DOCK5: variants seen among roughly 807,000 people sequenced by gnomAD.
DOCK5 encodes dedicator of cytokinesis protein 5.
Under a neutral mutation model 251.8 loss-of-function variants are expected in DOCK5, and 142 were observed. The observed-to-expected ratio is 0.56, with a 90% CI of 0.49 to 0.65. The LOEUF is 0.65. DOCK5 is among the 30% of genes least tolerant of loss of function. The pLI is 0.00. For missense variants in DOCK5, 2,111 were observed against 2,312.3 expected, an observed-to-expected ratio of 0.91 and a Z score of 1.79; for synonymous variants, 842 against 835.5, an observed-to-expected ratio of 1.01 and a Z score of -0.13.
At chr8:25,251,037 C>G (rs186578712) in intron 2 of DOCK5, among the ~76,000 whole-genome samples, 6 of 152,134 alleles carry the variant, frequency 3.9e-5, no homozygotes, top group African/African-American at 1.4e-4. Context: ...CATGGAGCTC[C>G]CCTCTCCTGT....
chr8:25,251,470 A>G (rs1433716255), intron 2 of DOCK5, among the ~76,000 whole-genome samples: 1 of 152,238 alleles, frequency 6.6e-6, no homozygotes, highest in Non-Finnish European at 1.5e-5. Context: ...TCTTCTATAT[A>G]GAAGAAGTCT....
At position 25,399,904 on chromosome 8, in the gene DOCK5, T is replaced by A; in HGVS notation, c.4705-7T>A. The stretch of plus-strand genomic sequence containing the variant: ...TCTAATTAAAACTTGCATATGCTTT[T>A]TTTTAGGCTTTTTTTACAGAAAAGT... On this transcript the variant is annotated splice_polypyrimidine_tract_variant and splice_region_variant and intron_variant, in intron 45 of 51. Coordinates refer to ENST00000276440, the MANE Select transcript of DOCK5 (RefSeq NM_024940.8). The A allele has an allele frequency of 1.2e-6, 2 of 1,609,568 alleles. No individual in the cohort carries two copies. The highest frequency in any genetic ancestry group is 2.2e-5 in the East Asian group (1 of 44,788).
intron 34 of DOCK5, among the ~76,000 whole-genome samples, chr8:25,370,872 G>A (rs1800860928): frequency 6.6e-6 from 1 of 152,108 alleles, no homozygotes; most frequent in Admixed American, 6.6e-5. Context: ...TGAAACTCTT[G>A]GCCTCAGGCA....
At chr8:25,237,875 T>C (rs551379553) in intron 1 of DOCK5, among the ~76,000 whole-genome samples, 1 of 152,366 alleles carries the variant, frequency 6.6e-6, no homozygotes, top group East Asian at 1.9e-4. Context: ...GTTTTACAGA[T>C]AAGAAACTGA....
rs534191685 is a variant in DOCK5 at position 25,414,281 on chromosome 8, A to C, written c.*2983A>C. The C allele has an allele frequency of 3.4e-4, 52 of 152,286 alleles. No individual in the cohort carries two copies. The highest frequency in any genetic ancestry group is 1.1e-3 in the African/African-American group (45 of 41,550). The allele number at this position is 152,286 out of a possible 1,614,324, so 9.4% of individuals were successfully genotyped here. A position where few individuals can be genotyped will look rare whatever the true frequency, so the allele number is the denominator to read the frequency against. ...TCAATGGAAACAGCCCCAGTATACAAAGACAGTTCACTCTGGTGTGCTGTA... is the reference window on the plus strand; with the variant it reads ...TCAATGGAAACAGCCCCAGTATACACAGACAGTTCACTCTGGTGTGCTGTA... On this transcript the variant is annotated 3_prime_UTR_variant, in exon 52 of 52. Coordinates refer to ENST00000276440, the MANE Select transcript of DOCK5 (RefSeq NM_024940.8).
chr8:25,407,857 C>A (rs1376905988), intron 48 of DOCK5, 126 bp from the exon 49 acceptor site: 24 of 1,012,194 alleles, frequency 2.4e-5, no homozygotes, highest in Non-Finnish European at 1.3e-6. Context: ...GGAGAAAGAC[C>A]CTGTCTCAAA....
chr8:25,238,645 A>G lies in DOCK5; in HGVS notation c.44-5029A>G, dbSNP rs371728166. Among the ~76,000 whole-genome samples the G allele has an allele frequency of 2.7e-3, 410 of 152,298 alleles. 2 individuals carry two copies. The highest frequency in any genetic ancestry group is 9.5e-3 in the African/African-American group (393 of 41,556). On this transcript the variant is annotated intron_variant, in intron 1 of 51. Coordinates refer to ENST00000276440, the MANE Select transcript of DOCK5 (RefSeq NM_024940.8). ...GCAGATTCTCTCTTGTGATAAACCA[A>G]ATGGATGGAGAAGTGATTTTAGTAA...
intron 1 of DOCK5, among the ~76,000 whole-genome samples, chr8:25,230,347 A>G (rs968999944): frequency 2.0e-5 from 3 of 152,110 alleles, no homozygotes; most frequent in African/African-American, 7.2e-5. Flanking sequence ...GGACCTTGCA[A>G]CCTGGGTTGG....
At chr8:25,257,657 G>A (rs1157381527) in intron 2 of DOCK5, among the ~76,000 whole-genome samples, 1 of 152,098 alleles carries the variant, frequency 6.6e-6, no homozygotes, top group African/African-American at 2.4e-5. Flanking sequence ...TTACCCAGTG[G>A]TCTCGTTGCT....
intron 47 of DOCK5, among the ~76,000 whole-genome samples, chr8:25,402,645 T>C (rs1028753843): frequency 6.6e-6 from 1 of 151,916 alleles, no homozygotes; most frequent in African/African-American, 2.4e-5. Flanking sequence ...AGTCTCCCTA[T>C]GTTGCCCAGG....
intron 2 of DOCK5, among the ~76,000 whole-genome samples, chr8:25,250,310 T>A (rs2117559945): frequency 6.6e-6 from 1 of 152,366 alleles, no homozygotes; most frequent in East Asian, 1.9e-4. Flanking sequence ...CTACTGCTCA[T>A]CCGTTACAGG....
chr8:25,311,697 A>G (rs1335789433), intron 13 of DOCK5, among the ~76,000 whole-genome samples: 3 of 151,998 alleles, frequency 2.0e-5, no homozygotes, highest in South Asian at 2.1e-4. Context: ...TGAGGCAGGC[A>G]GATCACATGA....
At chr8:25,302,787 TTACAC>T (rs1207691394) in intron 10 of DOCK5, among the ~76,000 whole-genome samples, 1 of 152,150 alleles carries the variant, frequency 6.6e-6, no homozygotes, top group African/African-American at 2.4e-5. Context: ...CTTGAGGACT[TTACAC>T]TAAGTAAATA....
intron 26 of DOCK5, chr8:25,351,470 G>A (rs1046287481): frequency 4.2e-5 from 17 of 407,162 alleles, no homozygotes; most frequent in South Asian, 3.9e-4. Context: ...CAGTGAACCT[G>A]AGCAATCTGA....
At chr8:25,341,858 C>G (rs1187068202) in intron 24 of DOCK5, 49 bp downstream of exon 24, 1 of 1,464,318 alleles carries the variant, frequency 6.8e-7, no homozygotes, top group African/African-American at 1.4e-5. Flanking sequence ...AGAAACAGCT[C>G]CCCTGCTTGG....
chr8:25,395,805 C>A, intron 45 of DOCK5, 86 bp downstream of exon 45: 2 of 1,374,990 alleles, frequency 1.5e-6, no homozygotes, highest in Non-Finnish European at 2.0e-6. Context: ...CTGACAAATT[C>A]ATTTCCTACA....
intron 2 of DOCK5, among the ~76,000 whole-genome samples, chr8:25,249,618 G>T (rs976360499): frequency 6.6e-6 from 1 of 152,090 alleles, no homozygotes; most frequent in African/African-American, 2.4e-5. Flanking sequence ...CCTCTCTCTT[G>T]CTCTGTTGGT....
At chr8:25,206,852 G>A (rs370456744) in intron 1 of DOCK5, among the ~76,000 whole-genome samples, 4 of 152,214 alleles carry the variant, frequency 2.6e-5, no homozygotes, top group Admixed American at 1.3e-4. Context: ...GAGTTGAGTT[G>A]GTGGCAACCT....
At chr8:25,374,700 C>T (rs769005279) in intron 37 of DOCK5, 46 bp downstream of exon 37, 6 of 1,613,332 alleles carry the variant, frequency 3.7e-6, no homozygotes, top group Middle Eastern at 1.7e-4. Context: ...AGTACAGTGT[C>T]CTTTCAGACT....
Sources: gnomAD v4.1 joint callset for allele counts (sites outside exome capture counted in the v4.1 genomes callset) on GRCh38, gnomAD v4.1.1 for gene constraint, MANE v1.5 for transcripts, NCBI Gene and HGNC (gene_info 2026-07-23, HGNC 2026-07-21) for gene names.